The following BMPER variants were observed in gnomAD, a reference collection of about 807,000 sequenced individuals.
BMPER encodes BMP binding endothelial regulator, also known as BMP-binding endothelial regulator protein.
Under a neutral mutation model 87.3 loss-of-function variants are expected in BMPER, and 45 were observed. That is an observed-to-expected ratio of 0.52 (90% confidence interval 0.41 to 0.66). BMPER has a LOEUF of 0.66. Ranked by LOEUF, BMPER falls within the 30% of genes least tolerant of loss-of-function variation. The pLI is 0.00. For synonymous variants in BMPER, 326 were observed against 316.2 expected, an observed-to-expected ratio of 1.03 and a Z score of -0.33; for missense variants, 784 against 867.5, an observed-to-expected ratio of 0.90 and a Z score of 1.21.
At chr7:34,111,123 C>T (rs1309206479) in intron 13 of BMPER, among the ~76,000 whole-genome samples, 1 of 152,136 alleles carries the variant, frequency 6.6e-6, no homozygotes, top group Non-Finnish European at 1.5e-5. Context: ...CTGTTAACAA[C>T]TTGTTGGAAA....
At chr7:33,981,354 C>T (rs1310371481) in intron 6 of BMPER, among the ~76,000 whole-genome samples, 1 of 152,190 alleles carries the variant, frequency 6.6e-6, no homozygotes, top group East Asian at 1.9e-4. Flanking sequence ...CATTTCTCCT[C>T]CTTCCCATCG....
At chr7:34,057,156 G>C (rs535486827) in intron 9 of BMPER, among the ~76,000 whole-genome samples, 43 of 152,132 alleles carry the variant, frequency 2.8e-4, no homozygotes, top group African/African-American at 9.2e-4. Flanking sequence ...TATCTCAACT[G>C]TTTCTGTTTT....
intron 3 of BMPER, among the ~76,000 whole-genome samples, chr7:33,957,676 G>C (rs1281661401): frequency 6.6e-6 from 1 of 152,158 alleles, no homozygotes; most frequent in East Asian, 1.9e-4. Context: ...CTGCTGTCCT[G>C]TAGTTATACA....
intron 6 of BMPER, among the ~76,000 whole-genome samples, chr7:34,008,720 A>G (rs1786800232): frequency 6.6e-6 from 1 of 152,014 alleles, no homozygotes; most frequent in Non-Finnish European, 1.5e-5. Flanking sequence ...CCTAACTTGA[A>G]TGGCAATGTC....
chr7:33,970,493 CTTG>C lies in BMPER; in HGVS notation c.493+78_493+80del. ...GGAATGCATGAATCTCCCAACCCCT[CTTG>C]TTGGAAATTTTCCTCACTTTACATC... On this transcript the variant is annotated intron_variant, in intron 5 of 14. Coordinates refer to ENST00000649409, the MANE Select transcript of BMPER (RefSeq NM_001365308.1). The C allele has an allele frequency of 1.4e-5, 20 of 1,477,360 alleles. No individual in the cohort carries two copies. In the South Asian group the frequency reaches 2.2e-4, roughly 16 times the overall value. 91.5% of individuals were successfully genotyped at this position (1,477,360 alleles called of 1,614,324 possible).
intron 3 of BMPER, among the ~76,000 whole-genome samples, chr7:33,939,795 G>A (rs954935659): frequency 3.9e-5 from 6 of 152,098 alleles, no homozygotes; most frequent in Non-Finnish European, 2.9e-5. Flanking sequence ...GAGCTGTGAC[G>A]CAATTAAATC....
At chr7:34,098,346 C>T (rs1300335800) in intron 13 of BMPER, among the ~76,000 whole-genome samples, 1 of 152,122 alleles carries the variant, frequency 6.6e-6, no homozygotes, top group Non-Finnish European at 1.5e-5. Context: ...GCCAGGAGTA[C>T]AGGCCCATGC....
intron 13 of BMPER, among the ~76,000 whole-genome samples, chr7:34,102,831 A>G (rs1211607520): frequency 6.6e-6 from 1 of 152,126 alleles, no homozygotes; most frequent in East Asian, 1.9e-4. Context: ...CATACATAAT[A>G]TATGAGGTGA....
At chr7:34,067,189 A>AC (rs1431180456) in intron 11 of BMPER, 1 of 151,502 alleles carries the variant, frequency 6.6e-6, no homozygotes, top group Non-Finnish European at 1.5e-5. Flanking sequence ...GACTTTTTAA[A>AC]CCCCCCAGGG....
At chr7:34,085,166 G>A (rs1789166312) in intron 12 of BMPER, among the ~76,000 whole-genome samples, 1 of 152,316 alleles carries the variant, frequency 6.6e-6, no homozygotes, top group Admixed American at 6.5e-5. Context: ...CTCAGGAATG[G>A]TTGTAAAATA....
At chr7:34,073,843 C>T (rs1788796021) in intron 11 of BMPER, among the ~76,000 whole-genome samples, 2 of 152,214 alleles carry the variant, frequency 1.3e-5, no homozygotes, top group Non-Finnish European at 2.9e-5. Flanking sequence ...TTGGCTGAGG[C>T]AGCAGGGGTG....
intron 3 of BMPER, among the ~76,000 whole-genome samples, chr7:33,963,726 G>A (rs1015774188): frequency 3.9e-5 from 6 of 152,166 alleles, no homozygotes; most frequent in African/African-American, 1.4e-4. Flanking sequence ...CTGGGAGGCG[G>A]AGGTTGCAGT....
At chr7:34,121,405 T>A (rs1488525953) in intron 13 of BMPER, among the ~76,000 whole-genome samples, 1 of 152,228 alleles carries the variant, frequency 6.6e-6, no homozygotes, top group Non-Finnish European at 1.5e-5. Context: ...TATTTTTTAT[T>A]GTTTAAAAGT....
chr7:34,052,229 T>A (rs1204517591), intron 8 of BMPER, among the ~76,000 whole-genome samples: 2 of 152,186 alleles, frequency 1.3e-5, no homozygotes, highest in Non-Finnish European at 2.9e-5. Flanking sequence ...TTCTGAGGAT[T>A]TTCTAAAATC....
At chr7:34,084,182 T>C (rs1323198882) in intron 12 of BMPER, among the ~76,000 whole-genome samples, 1 of 152,088 alleles carries the variant, frequency 6.6e-6, no homozygotes. Flanking sequence ...GCACTTGTAG[T>C]CCCAGCTACT....
At chr7:34,089,691 C>T (rs1370032702) in intron 13 of BMPER, among the ~76,000 whole-genome samples, 2 of 152,036 alleles carry the variant, frequency 1.3e-5, no homozygotes, top group Middle Eastern at 3.2e-3. Flanking sequence ...ACCATGTTGG[C>T]CAGGCTGATC....
intron 6 of BMPER, among the ~76,000 whole-genome samples, chr7:33,982,243 G>C (rs1224574659): frequency 6.6e-6 from 1 of 152,156 alleles, no homozygotes; most frequent in East Asian, 1.9e-4. Context: ...AATAATATGT[G>C]CAATTTGATG....
intron 6 of BMPER, among the ~76,000 whole-genome samples, chr7:34,002,856 A>T (rs1228638222): frequency 6.6e-6 from 1 of 151,558 alleles, no homozygotes; most frequent in African/African-American, 2.4e-5. Context: ...TTTGCATAGT[A>T]TATCTTTCTT....
intron 14 of BMPER, among the ~76,000 whole-genome samples, chr7:34,145,179 T>C (rs1790984695): frequency 6.6e-6 from 1 of 152,128 alleles, no homozygotes; most frequent in African/African-American, 2.4e-5. Flanking sequence ...AACCCCTGAG[T>C]TAGTTTGTGT....
Sources: allele counts gnomAD v4.1 joint callset (sites outside exome capture counted in the v4.1 genomes callset), GRCh38; gene constraint gnomAD v4.1.1; transcripts MANE v1.5; gene names NCBI Gene and HGNC (gene_info 2026-07-23, HGNC 2026-07-21).